NME7: variants seen among roughly 807,000 people sequenced by gnomAD.
The protein encoded by NME7 is NME/NM23 family member 7.
A neutral mutation model predicts 49.1 loss-of-function variants in NME7; 41 were observed. That is an observed-to-expected ratio of 0.83 (90% CI 0.65 to 1.08). The LOEUF (loss-of-function observed/expected upper bound fraction) is 1.08, where lower values mean the gene tolerates loss of function less well. NME7 is among the 50% of genes least tolerant of loss of function. The pLI is 0.00. For missense variants in NME7, 423 were observed against 463.4 expected (o/e 0.91, Z 0.80); for synonymous variants, 139 against 150.6 (o/e 0.92, Z 0.56).
chr1:169,140,689 A>G (rs1287289199), intron 11 of NME7, among the ~76,000 whole-genome samples: 1 of 151,366 alleles, frequency 6.6e-6, no homozygotes, highest in Non-Finnish European at 1.5e-5. Flanking sequence ...TGTGGCTCCC[A>G]GAGAAGAAAA....
chr1:169,187,336 A>C (rs1353322851), intron 10 of NME7, among the ~76,000 whole-genome samples: 1 of 152,110 alleles, frequency 6.6e-6, no homozygotes, highest in Non-Finnish European at 1.5e-5. Context: ...TCTAATATTG[A>C]GAGTAGAGTG....
At chr1:169,363,290 A>G (rs184242828) in intron 1 of NME7, among the ~76,000 whole-genome samples, 266 of 152,234 alleles carry the variant, frequency 1.7e-3, no homozygotes, top group Middle Eastern at 0.01. Flanking sequence ...AATAAAGTAT[A>G]TATTATTCAA....
intron 7 of NME7, among the ~76,000 whole-genome samples, chr1:169,266,680 T>C (rs1191395425): frequency 7.5e-6 from 1 of 133,736 alleles, no homozygotes; most frequent in Non-Finnish European, 1.8e-5. Flanking sequence ...GAAGATGACA[T>C]GATTCTATAT....
intron 10 of NME7, among the ~76,000 whole-genome samples, chr1:169,201,038 C>T (rs1438599573): frequency 6.6e-6 from 1 of 152,066 alleles, no homozygotes; most frequent in Non-Finnish European, 1.5e-5. Context: ...TGAGACCAGC[C>T]TGGGCAACAT....
chr1:169,218,314 C>T (rs1443809499), intron 10 of NME7, among the ~76,000 whole-genome samples: 1 of 152,100 alleles, frequency 6.6e-6, no homozygotes, highest in Non-Finnish European at 1.5e-5. Flanking sequence ...ACTACTGGAC[C>T]AGGTGCAGTG....
At chr1:169,190,636 T>A in intron 10 of NME7, 1 of 435,240 alleles carries the variant, frequency 2.3e-6, no homozygotes, top group Non-Finnish European at 4.6e-6. Flanking sequence ...TTGATTTTAA[T>A]ACTCACGGAA....
intron 10 of NME7, among the ~76,000 whole-genome samples, chr1:169,182,133 T>C (rs1347146219): frequency 3.4e-5 from 5 of 145,252 alleles, no homozygotes; most frequent in African/African-American, 1.3e-4. Flanking sequence ...GCTTCCAGAG[T>C]AGCTCGGACT....
chr1:169,182,646 A>G (rs1463460644), intron 10 of NME7, among the ~76,000 whole-genome samples: 1 of 152,212 alleles, frequency 6.6e-6, no homozygotes, highest in African/African-American at 2.4e-5. Flanking sequence ...ACCATTAAAA[A>G]TGTACTGTTT....
intron 6 of NME7, among the ~76,000 whole-genome samples, 188 bp downstream of exon 6, chr1:169,298,368 G>A (rs1650794509): frequency 6.6e-6 from 1 of 152,118 alleles, no homozygotes. Flanking sequence ...ATCATGATCA[G>A]GTTACCAGTT....
intron 11 of NME7, among the ~76,000 whole-genome samples, chr1:169,142,365 A>G (rs1232514237): frequency 6.6e-6 from 1 of 152,208 alleles, no homozygotes; most frequent in Non-Finnish European, 1.5e-5. Flanking sequence ...ATAAGATAAG[A>G]TGTGTTGTTT....
At chr1:169,263,546 G>A (rs1339805278) in intron 7 of NME7, among the ~76,000 whole-genome samples, 1 of 133,696 alleles carries the variant, frequency 7.5e-6, no homozygotes, top group African/African-American at 2.5e-5. Flanking sequence ...AATACAGTCA[G>A]ACAGGAAGAA....
chr1:169,139,581 T>A (rs4656652), intron 11 of NME7, among the ~76,000 whole-genome samples: 67,384 of 152,072 alleles, frequency 0.44, 15,385 homozygotes, highest in East Asian at 0.79. Flanking sequence ...GTAGGTTTGT[T>A]GTGAAGTTTA....
intron 11 of NME7, among the ~76,000 whole-genome samples, chr1:169,155,452 A>T (rs1659040501): frequency 6.6e-6 from 1 of 152,238 alleles, no homozygotes; most frequent in East Asian, 1.9e-4. Context: ...ACAAACTATT[A>T]GTGGATTCTA....
At chr1:169,150,423 C>G (rs570833436) in intron 11 of NME7, among the ~76,000 whole-genome samples, 2 of 152,196 alleles carry the variant, frequency 1.3e-5, no homozygotes, top group East Asian at 3.9e-4. Context: ...CCCTTGCTAA[C>G]CCCTTAATTT....
At chr1:169,290,774 A>C (rs1013133193) in intron 6 of NME7, among the ~76,000 whole-genome samples, 5 of 152,212 alleles carry the variant, frequency 3.3e-5, no homozygotes, top group African/African-American at 9.7e-5. Context: ...TCATCTGACA[A>C]AGGGCTACTG....
chr1:169,212,303 TTAAA>T (rs1194077286), intron 10 of NME7, among the ~76,000 whole-genome samples: 16 of 152,158 alleles, frequency 1.1e-4, no homozygotes, highest in African/African-American at 3.4e-4. Context: ...TAAATTGCTA[TTAAA>T]TACTTTTAAA....
At chr1:169,332,161 T>C (rs1221230699) in intron 1 of NME7, among the ~76,000 whole-genome samples, 1 of 151,090 alleles carries the variant, frequency 6.6e-6, no homozygotes, top group African/African-American at 2.4e-5. Context: ...CCAGAAAAAA[T>C]CCACACACCT....
chr1:169,337,241 C>T (rs1317728324), intron 1 of NME7, among the ~76,000 whole-genome samples: 1 of 152,224 alleles, frequency 6.6e-6, no homozygotes, highest in Non-Finnish European at 1.5e-5. Context: ...AGCTAAGGCA[C>T]GCGGTGAGAA....
intron 11 of NME7, among the ~76,000 whole-genome samples, chr1:169,138,288 G>T (rs1443660907): frequency 6.6e-6 from 1 of 151,702 alleles, no homozygotes; most frequent in Non-Finnish European, 1.5e-5. Context: ...TCCAACCTGG[G>T]TGACAGGGCG....
Sources: allele counts gnomAD v4.1 joint callset (sites outside exome capture counted in the v4.1 genomes callset), GRCh38; gene constraint gnomAD v4.1.1; transcripts MANE v1.5; gene names NCBI Gene and HGNC (gene_info 2026-07-23, HGNC 2026-07-21).